Variants in RFTN1 observed in about 807,000 individuals in gnomAD.
RFTN1 encodes the protein raftlin, lipid raft linker 1, also known as raftlin.
In RFTN1, 26 loss-of-function variants were observed where a neutral mutation model predicts 46.5. That is an observed-to-expected ratio of 0.56 (90% confidence interval 0.41 to 0.78). The LOEUF (loss-of-function observed/expected upper bound fraction) is 0.78, where lower values mean the gene tolerates loss of function less well. RFTN1 is among the 30% of genes least tolerant of loss of function. The pLI, the probability that RFTN1 is intolerant of heterozygous loss-of-function variation, is 0.00. For synonymous variants in RFTN1, 261 were observed against 284.2 expected, an observed-to-expected ratio of 0.92 and a Z score of 0.82; for missense variants, 693 against 718.7, an observed-to-expected ratio of 0.96 and a Z score of 0.41.
chr3:16,445,185 A>G (rs2075703001), intron 2 of RFTN1, among the ~76,000 whole-genome samples: 4 of 152,242 alleles, frequency 2.6e-5, no homozygotes, highest in Non-Finnish European at 5.9e-5. Flanking sequence ...GAGAAAACAT[A>G]TAAGAAAAAT....
Position 16,322,977 on chromosome 3 carries a change from C to T in RFTN1, c.1332+399G>A, listed in dbSNP as rs2069246278. On this transcript the variant is annotated intron_variant, in intron 9 of 9. Transcript: ENST00000334133. This position sits in a 1 kb window ranked among gnomAD's most constrained non-coding sequence, Gnocchi z 6.2. ...AATGTCCTAAGGAATCTTAACAGGG[C>T]AGGCCAGAGCTCCAACTAGCTGATA... 6.6e-6 allele frequency among the ~76,000 whole-genome samples: 1 copy of T among 152,174 alleles called. No individual in the cohort carries two copies. Among genetic ancestry groups the T allele is most frequent in the African/African-American group, 2.4e-5 (1 of 41,442 alleles).
In RFTN1 at chr3:16,356,052, T is replaced by A. The variant is rs1464185956; in HGVS notation, c.1146+1880A>T. Among the ~76,000 whole-genome samples, 1 of 152,134 alleles carries A rather than the reference T, an allele frequency of 6.6e-6. No individual in the cohort carries two copies. Among genetic ancestry groups the A allele is most frequent in the Non-Finnish European group, 1.5e-5 (1 of 68,022 alleles). On this transcript the variant is annotated intron_variant, in intron 7 of 9. Transcript: ENST00000334133. This position sits in a 1 kb window ranked among gnomAD's most constrained non-coding sequence, Gnocchi z 4.9. ...AGCAAACTGAATGCCGGCTGCTCAG[T>A]CCTTCAGATCCTCAACTCTTGGCAT... is the stretch of plus-strand genomic sequence containing the variant.
chr3:16,439,845 G>C (rs1325603701), intron 2 of RFTN1, among the ~76,000 whole-genome samples: 1 of 152,150 alleles, frequency 6.6e-6, no homozygotes, highest in East Asian at 1.9e-4. Context: ...GAGTTCTAGG[G>C]AAGAGATGCC....
In RFTN1 at chr3:16,359,207, G is replaced by A. The variant is rs144977671; in HGVS notation, c.1031-1160C>T. ...CTTAGAAGCAAGTGGTTTGAAGCTA[G>A]GCTCTATCATGAAAGGTGATGTGAC... On this transcript the variant is annotated intron_variant, in intron 6 of 9. Transcript: ENST00000334133. 3.3e-3 allele frequency among the ~76,000 whole-genome samples: 502 copies of A among 152,158 alleles called. 1 individual carries two copies. The highest frequency in any genetic ancestry group is 0.011 in the African/African-American group (449 of 41,514).
In RFTN1 at chr3:16,377,799, G is replaced by A; in HGVS notation, c.745C>T (p.Leu249Phe). Residue 249 changes from leucine to phenylalanine, a missense_variant, in exon 5 of 10, where the codon CTT (leucine) becomes TTT (phenylalanine). By Grantham distance (22) the Leu-to-Phe change is conservative. Coordinates refer to ENST00000334133, the MANE Select transcript of RFTN1 (RefSeq NM_015150.2). ...GTCTTGCTCACCCCCTGTGGTGAAA[G>A]TTCTCCACCATCTCCCTCTCCGGAG... ...SPSGEGDGGE[L>F]SPQGVSKTLD... 6.2e-7 allele frequency: 1 copy of A among 1,614,166 alleles called. No individual in the cohort carries two copies. The highest frequency in any genetic ancestry group is 8.5e-7 in the Non-Finnish European group (1 of 1,180,004).
intron 9 of RFTN1, among the ~76,000 whole-genome samples, chr3:16,319,697 CTGATA>C (rs1274562455): frequency 2.0e-5 from 3 of 152,146 alleles, no homozygotes; most frequent in South Asian, 4.1e-4. Context: ...TGTTGATCTG[CTGATA>C]TAATACAAAA....
At chr3:16,360,017 C>T (rs767933222) in intron 6 of RFTN1, among the ~76,000 whole-genome samples, 39 of 151,754 alleles carry the variant, frequency 2.6e-4, no homozygotes, top group African/African-American at 9.0e-4. Context: ...TTTGCAACAA[C>T]AATAACAAAA....
rs986746946 is a variant in RFTN1, at chr3:16,512,584, C to A, written c.-9+858G>T. The stretch of plus-strand genomic sequence containing the variant: ...AGCGTGCCTGGTTCTACAACCTTGG[C>A]CTCCACGCGGTTCTTGCTGCCAAAG... On this transcript the variant is annotated intron_variant, in intron 1 of 9. Transcript: ENST00000334133. This position sits in a 1 kb window ranked among gnomAD's most constrained non-coding sequence, Gnocchi z 4.3. Among the ~76,000 whole-genome samples the A allele has an allele frequency of 1.3e-5, 2 of 152,132 alleles. No individual in the cohort carries two copies. Among genetic ancestry groups the A allele is most frequent in the African/African-American group, 4.8e-5 (2 of 41,422 alleles).
chr3:16,408,298 C>T (rs748144176), intron 4 of RFTN1, among the ~76,000 whole-genome samples: 5 of 152,132 alleles, frequency 3.3e-5, no homozygotes, highest in Admixed American at 1.3e-4. Context: ...TCCTCAGCCC[C>T]GGCCACTTCT....
chr3:16,412,460 G>GA (rs1172902570), intron 3 of RFTN1, among the ~76,000 whole-genome samples: 1 of 152,180 alleles, frequency 6.6e-6, no homozygotes, highest in Non-Finnish European at 1.5e-5. Context: ...CTAATCCTAT[G>GA]AAAAACAGCA....
At chr3:16,415,325 G>A (rs932783894) in intron 3 of RFTN1, among the ~76,000 whole-genome samples, 10 of 150,994 alleles carry the variant, frequency 6.6e-5, no homozygotes, top group African/African-American at 2.2e-4. Context: ...GCTTAGGGGG[G>A]AAGAAAGATA....
rs2072727344 is a variant in RFTN1 at position 16,360,056 on chromosome 3, A to G, written c.1031-2009T>C. Among the ~76,000 whole-genome samples the G allele has an allele frequency of 2.0e-5, 3 of 152,236 alleles. No individual in the cohort carries two copies. The South Asian group carries it at 6.2e-4, about 31-fold the overall frequency. ...AAGGCTAAGCTTAATATTTTTATATATAAAAAGCTTTTATAGTTAAAAATA... is the reference window on the plus strand; with the variant it reads ...AAGGCTAAGCTTAATATTTTTATATGTAAAAAGCTTTTATAGTTAAAAATA... On this transcript the variant is annotated intron_variant, in intron 6 of 9. Transcript: ENST00000334133.
At chr3:16,438,387 C>T (rs920110942) in intron 2 of RFTN1, among the ~76,000 whole-genome samples, 4 of 151,732 alleles carry the variant, frequency 2.6e-5, no homozygotes, top group Non-Finnish European at 5.9e-5. Context: ...GAGTTCGAGA[C>T]CAGCCTGGCC....
chr3:16,431,161 A>G (rs1417719544), intron 3 of RFTN1, among the ~76,000 whole-genome samples: 2 of 152,222 alleles, frequency 1.3e-5, no homozygotes, highest in African/African-American at 4.8e-5. Flanking sequence ...GCTTACTAGT[A>G]GCCAAGTGCA....
chr3:16,338,211 G>A lies in RFTN1; in HGVS notation c.1147-11335C>T, dbSNP rs1331891256. Among the ~76,000 whole-genome samples, 1 of 152,224 alleles carries A rather than the reference G, an allele frequency of 6.6e-6. No individual in the cohort carries two copies. Among genetic ancestry groups the A allele is most frequent in the East Asian group, 1.9e-4 (1 of 5,204 alleles). On this transcript the variant is annotated intron_variant, in intron 7 of 9. Transcript: ENST00000334133. This position sits in a 1 kb window ranked among gnomAD's most constrained non-coding sequence, Gnocchi z 5.3. The stretch of plus-strand genomic sequence containing the variant: ...GCTACGGGATGGAAGGGCAGGAGAT[G>A]GCATGCATCCTTATTATCAGGGGTG...
intron 7 of RFTN1, chr3:16,339,605 C>T (rs1044107476): frequency 6.6e-6 from 1 of 152,176 alleles, no homozygotes; most frequent in African/African-American, 2.4e-5. Flanking sequence ...GATGAAAAAC[C>T]CAAAGTCCAG....
At chr3:16,511,249 C>G (rs962922706) in intron 1 of RFTN1, among the ~76,000 whole-genome samples, 1 of 152,182 alleles carries the variant, frequency 6.6e-6, no homozygotes, top group African/African-American at 2.4e-5. Context: ...ATGGTACTTT[C>G]CATCTTTGCA....
chr3:16,482,051 C>A (rs1020666334), intron 2 of RFTN1, among the ~76,000 whole-genome samples: 25 of 152,128 alleles, frequency 1.6e-4, no homozygotes, highest in East Asian at 1.5e-3. Context: ...GGTTATTGAC[C>A]AACACTCATG....
intron 2 of RFTN1, among the ~76,000 whole-genome samples, chr3:16,455,671 A>T (rs2075893243): frequency 6.6e-6 from 1 of 152,202 alleles, no homozygotes; most frequent in Non-Finnish European, 1.5e-5. Flanking sequence ...GGACAGTGGC[A>T]CTGAAAACTC....
Sources: gnomAD v4.1 joint callset for allele counts (sites outside exome capture counted in the v4.1 genomes callset) on GRCh38, gnomAD v4.1.1 for gene constraint, Gnocchi (gnomAD v3.1) non-coding constraint, MANE v1.5 for transcripts, NCBI Gene and HGNC (gene_info 2026-07-23, HGNC 2026-07-21) for gene names.